Variants in CDH22 observed in about 807,000 individuals in gnomAD.
CDH22 encodes cadherin 22.
Under a neutral mutation model 58.4 loss-of-function variants are expected in CDH22, and 30 were observed. The ratio of observed to expected loss-of-function variants is 0.51; its 90% CI spans 0.38 to 0.70. CDH22 has a LOEUF of 0.70. CDH22 is among the 30% of genes least tolerant of loss of function. CDH22 has a pLI of 0.00. For synonymous variants in CDH22, 513 were observed against 558.2 expected (o/e 0.92, Z 1.14); for missense variants, 1,014 against 1,233.9 (o/e 0.82, Z 2.67).
intron 2 of CDH22, among the ~76,000 whole-genome samples, chr20:46,244,694 C>T (rs1296460978): frequency 1.3e-5 from 2 of 152,180 alleles, no homozygotes; most frequent in African/African-American, 4.8e-5. Flanking sequence ...AGTCTGCTTA[C>T]AATGCCTATA....
intron 1 of CDH22, among the ~76,000 whole-genome samples, chr20:46,263,277 C>T (rs2086442677): frequency 6.6e-6 from 1 of 152,200 alleles, no homozygotes; most frequent in African/African-American, 2.4e-5. Context: ...CCCCATCCCT[C>T]AGACTGCTCT....
intron 2 of CDH22, among the ~76,000 whole-genome samples, chr20:46,247,049 C>CT (rs1427330136): frequency 6.6e-6 from 1 of 151,538 alleles, no homozygotes; most frequent in Non-Finnish European, 1.5e-5. Context: ...GACAACCTTC[C>CT]CCCCCACTTA....
intron 1 of CDH22, among the ~76,000 whole-genome samples, chr20:46,253,053 G>C (rs1600717588): frequency 1.3e-5 from 2 of 152,334 alleles, no homozygotes; most frequent in South Asian, 4.1e-4. Context: ...TGTTTGGGCA[G>C]ATGGTGTGTA....
intron 1 of CDH22, among the ~76,000 whole-genome samples, chr20:46,256,193 A>G (rs1027938408): frequency 8.5e-5 from 13 of 152,196 alleles, no homozygotes; most frequent in Admixed American, 8.5e-4. Context: ...GCAAAAAGAA[A>G]CAGGTAGAGT....
At chr20:46,228,901 C>A (rs2086199764) in intron 3 of CDH22, among the ~76,000 whole-genome samples, 1 of 152,236 alleles carries the variant, frequency 6.6e-6, no homozygotes, top group Non-Finnish European at 1.5e-5. Flanking sequence ...CCGCCCGCCT[C>A]TCCCGCCTCC....
chr20:46,284,148 C>T (rs1394527574), intron 1 of CDH22, among the ~76,000 whole-genome samples: 5 of 151,906 alleles, frequency 3.3e-5, no homozygotes, highest in Non-Finnish European at 4.4e-5. Context: ...CTATACACAC[C>T]GAGAGGGGGC....
At chr20:46,223,481 A>C (rs1338366905) in intron 4 of CDH22, among the ~76,000 whole-genome samples, 1 of 152,156 alleles carries the variant, frequency 6.6e-6, no homozygotes, top group African/African-American at 2.4e-5. Flanking sequence ...GCTCAGGCTG[A>C]GCACTTTACA....
chr20:46,204,964 T>C (rs2085990089), intron 7 of CDH22, among the ~76,000 whole-genome samples: 1 of 152,178 alleles, frequency 6.6e-6, no homozygotes, highest in African/African-American at 2.4e-5. Flanking sequence ...TGCATGAACA[T>C]ACGAGCAGCT....
At chr20:46,225,698 C>T (rs924566296) in intron 4 of CDH22, among the ~76,000 whole-genome samples, 6 of 152,110 alleles carry the variant, frequency 3.9e-5, no homozygotes, top group East Asian at 3.9e-4. Flanking sequence ...TTAATATTTT[C>T]GAGTGAATGA....
At chr20:46,280,100 C>CT (rs1167346764) in intron 1 of CDH22, among the ~76,000 whole-genome samples, 2 of 152,180 alleles carry the variant, frequency 1.3e-5, no homozygotes, top group African/African-American at 4.8e-5. Context: ...GGCTGGGCCT[C>CT]TTTTTCTGCT....
intron 1 of CDH22, among the ~76,000 whole-genome samples, chr20:46,255,486 C>G (rs1333375300): frequency 6.6e-6 from 1 of 152,258 alleles, no homozygotes; most frequent in Non-Finnish European, 1.5e-5. Context: ...GGAGTCACAA[C>G]TGGCAGGGCA....
At position 46,175,022 on chromosome 20, in the gene CDH22, C is replaced by A; in HGVS notation, c.1971G>T (p.Ser657=). 1 of 1,609,950 alleles carries A rather than the reference C, an allele frequency of 6.2e-7. No individual in the cohort carries two copies. The highest frequency in any genetic ancestry group is 1.1e-5 in the South Asian group (1 of 90,888). Residue 657 remains serine, a synonymous_variant, in exon 12 of 12, where the codon TCG becomes TCT. Coordinates refer to ENST00000537909, the MANE Select transcript of CDH22 (RefSeq NM_021248.3). ...TGTCCCGCATGTCTTCATCCTCGTC[C>A]GAGCTCAGGTGGCTCTTGTGGTGGC... ...LRRHHKSHLS[S]DEDEDMRDNV... is the part of the protein sequence containing the mutation.
chr20:46,184,259 G>A (rs961980352), intron 10 of CDH22, among the ~76,000 whole-genome samples: 1 of 151,942 alleles, frequency 6.6e-6, no homozygotes, highest in African/African-American at 2.4e-5. Flanking sequence ...CCACCCTGCT[G>A]GACTAATTTT....
intron 1 of CDH22, among the ~76,000 whole-genome samples, chr20:46,282,817 C>T (rs897825505): frequency 1.3e-5 from 2 of 152,140 alleles, no homozygotes; most frequent in African/African-American, 4.8e-5. Flanking sequence ...GACGCTGGAA[C>T]CCGTAATCCC....
intron 7 of CDH22, among the ~76,000 whole-genome samples, chr20:46,203,963 C>G (rs1600695362): frequency 6.6e-6 from 1 of 152,006 alleles, no homozygotes; most frequent in African/African-American, 2.4e-5. Context: ...TGTGTGTGCA[C>G]CCACACATGC....
intron 7 of CDH22, among the ~76,000 whole-genome samples, chr20:46,200,581 C>T (rs540520971): frequency 3.3e-5 from 5 of 152,214 alleles, no homozygotes; most frequent in African/African-American, 1.2e-4. Context: ...TGCACCCTGC[C>T]GATTCTTATC....
At chr20:46,277,852 C>G (rs1439007817) in intron 1 of CDH22, among the ~76,000 whole-genome samples, 2 of 151,474 alleles carry the variant, frequency 1.3e-5, no homozygotes, top group Non-Finnish European at 1.5e-5. Flanking sequence ...GCGAAGACAA[C>G]TTGATAAGTT....
intron 1 of CDH22, among the ~76,000 whole-genome samples, chr20:46,272,344 T>G (rs866718256): frequency 3.2e-4 from 49 of 152,184 alleles, no homozygotes; most frequent in South Asian, 8.3e-4. Context: ...GAGACGTGCA[T>G]GTTGAGATGT....
chr20:46,248,470 G>C (rs545352685), intron 2 of CDH22, among the ~76,000 whole-genome samples: 1 of 152,224 alleles, frequency 6.6e-6, no homozygotes, highest in East Asian at 1.9e-4. Context: ...ATCTCTGAGG[G>C]GTCTGGAAAA....
Sources: gnomAD v4.1 joint callset for allele counts (sites outside exome capture counted in the v4.1 genomes callset) on GRCh38, gnomAD v4.1.1 for gene constraint, MANE v1.5 for transcripts, NCBI Gene and HGNC (gene_info 2026-07-23, HGNC 2026-07-21) for gene names.